ST8SIA2: variants seen among roughly 807,000 people sequenced by gnomAD.
The protein encoded by ST8SIA2 is alpha-2,8-sialyltransferase 8B.
ST8SIA2 carries 22 observed loss-of-function variants against 37.6 expected under a neutral mutation model. That is an observed-to-expected ratio of 0.58 (90% confidence interval 0.42 to 0.83). The LOEUF (loss-of-function observed/expected upper bound fraction) is 0.83. Ranked by LOEUF, ST8SIA2 falls within the 40% of genes least tolerant of loss-of-function variation. The pLI, the probability that ST8SIA2 is intolerant of heterozygous loss-of-function variation, is 0.00. For missense variants in ST8SIA2, 382 were observed against 484.7 expected, an observed-to-expected ratio of 0.79 and a Z score of 1.99; for synonymous variants, 205 against 201.2, an observed-to-expected ratio of 1.02 and a Z score of -0.16.
chr15:92,449,544 G>A (rs548517076), intron 5 of ST8SIA2, among the ~76,000 whole-genome samples: 1 of 152,146 alleles, frequency 6.6e-6, no homozygotes, highest in Non-Finnish European at 1.5e-5. Context: ...ATTGCTGGGT[G>A]GAATAGTAGT....
intron 1 of ST8SIA2, among the ~76,000 whole-genome samples, chr15:92,411,400 G>A (rs2049548588): frequency 6.6e-6 from 1 of 152,120 alleles, no homozygotes; most frequent in South Asian, 2.1e-4. Flanking sequence ...GAGTTAGGAA[G>A]CCATGGTTAT....
At chr15:92,440,114 C>T (rs1456727529) in intron 4 of ST8SIA2, among the ~76,000 whole-genome samples, 1 of 152,214 alleles carries the variant, frequency 6.6e-6, no homozygotes, top group Non-Finnish European at 1.5e-5. Context: ...GACCCTTTCA[C>T]ATAGTCAGCA....
intron 5 of ST8SIA2, among the ~76,000 whole-genome samples, chr15:92,459,755 C>G (rs145750182): frequency 6.6e-6 from 1 of 152,186 alleles, no homozygotes. Flanking sequence ...CATGCCTCCA[C>G]GCCCAACTAA....
intron 1 of ST8SIA2, among the ~76,000 whole-genome samples, chr15:92,404,287 A>G (rs1310592265): frequency 1.3e-5 from 2 of 152,196 alleles, no homozygotes; most frequent in Non-Finnish European, 2.9e-5. Flanking sequence ...TCAGTGGAAC[A>G]CTTATTACCT....
chr15:92,440,985 C>G (rs1244719899), intron 4 of ST8SIA2, among the ~76,000 whole-genome samples: 4 of 152,228 alleles, frequency 2.6e-5, no homozygotes, highest in African/African-American at 9.7e-5. Context: ...GTGGCTGTGT[C>G]CATCTCTGGG....
intron 1 of ST8SIA2, among the ~76,000 whole-genome samples, chr15:92,426,140 T>A (rs1021388536): frequency 6.6e-6 from 1 of 152,162 alleles, no homozygotes. Flanking sequence ...TCGAATTGTG[T>A]AAATGACAAG....
intron 1 of ST8SIA2, among the ~76,000 whole-genome samples, chr15:92,416,385 G>A (rs1178216797): frequency 2.0e-5 from 3 of 152,148 alleles, no homozygotes; most frequent in Non-Finnish European, 4.4e-5. Flanking sequence ...GCCAGGTTGT[G>A]CTGTGACTGG....
chr15:92,438,230 C>T (rs1000650697), intron 3 of ST8SIA2, 123 bp from the exon 4 acceptor site: 3 of 1,420,386 alleles, frequency 2.1e-6, no homozygotes, highest in Non-Finnish European at 3.0e-6. Flanking sequence ...GAACTCTCAT[C>T]ATACTCTGCG....
chr15:92,450,446 A>C (rs1483917728), intron 5 of ST8SIA2, among the ~76,000 whole-genome samples: 1 of 152,214 alleles, frequency 6.6e-6, no homozygotes. Context: ...GTAATTTATA[A>C]AGAAAAGAGG....
intron 1 of ST8SIA2, among the ~76,000 whole-genome samples, chr15:92,419,457 G>A (rs945827133): frequency 6.6e-6 from 1 of 152,180 alleles, no homozygotes; most frequent in Non-Finnish European, 1.5e-5. Context: ...CACTGGGTGT[G>A]CGGGAAATAC....
At chr15:92,440,781 A>C (rs1218913976) in intron 4 of ST8SIA2, among the ~76,000 whole-genome samples, 2 of 152,336 alleles carry the variant, frequency 1.3e-5, no homozygotes, top group South Asian at 2.1e-4. Flanking sequence ...TGCACTTGGT[A>C]ATATCCTACA....
chr15:92,403,389 A>G (rs2049485268), intron 1 of ST8SIA2, among the ~76,000 whole-genome samples: 1 of 152,094 alleles, frequency 6.6e-6, no homozygotes. Flanking sequence ...CCATGCAGAG[A>G]GTTTGCACAA....
At position 92,434,315 on chromosome 15, in the gene ST8SIA2, A is replaced by G. The variant is rs1362771215; in HGVS notation, c.230A>G (p.His77Arg). ...VVDRSNESIK[H>R]NIQPASSKWR... ...GACAGAAGTAATGAAAGCATCAAGC[A>G]CAACATCCAGCCAGCCTCGTCCAAA... The change falls in exon 3 of 6, where the codon CAC becomes CGC. Residue 77 changes from histidine to arginine, a missense_variant. His to Arg is a conservative substitution (Grantham distance 29). Transcript: ENST00000268164. 1.2e-6 allele frequency: 2 copies of G among 1,614,180 alleles called. No individual in the cohort carries two copies. The highest frequency in any genetic ancestry group is 2.2e-5 in the East Asian group (1 of 44,878).
intron 1 of ST8SIA2, among the ~76,000 whole-genome samples, chr15:92,418,428 C>G (rs2049604318): frequency 6.8e-6 from 1 of 146,708 alleles, no homozygotes; most frequent in Non-Finnish European, 1.5e-5. Flanking sequence ...CGCCACTGCA[C>G]TCTAGTCTGG....
At chr15:92,455,376 T>A (rs960077194) in intron 5 of ST8SIA2, among the ~76,000 whole-genome samples, 11 of 152,144 alleles carry the variant, frequency 7.2e-5, no homozygotes, top group African/African-American at 2.4e-4. Context: ...ATTTTTTTTT[T>A]AAATAGCAAT....
At chr15:92,440,898 C>T (rs1293974890) in intron 4 of ST8SIA2, among the ~76,000 whole-genome samples, 2 of 152,350 alleles carry the variant, frequency 1.3e-5, no homozygotes, top group East Asian at 3.9e-4. Context: ...AACAGGGACA[C>T]TAAGTGTTAA....
Position 92,464,480 on chromosome 15 carries a change from G to A in ST8SIA2, c.*95G>A. The A allele has an allele frequency of 7.1e-7, 1 of 1,403,272 alleles. No homozygotes were observed. The allele number at this position is 1,403,272 out of a possible 1,614,324, so 86.9% of individuals were successfully genotyped here. On this transcript the variant is annotated 3_prime_UTR_variant, in exon 6 of 6. Coordinates refer to ENST00000268164, the MANE Select transcript of ST8SIA2 (RefSeq NM_006011.4). ...GGTGGCACAAACAATAGAACAAGCA[G>A]GCTAGTGGTTTTCTTTGTTAAAGTG...
chr15:92,445,213 G>A (rs1304381012), intron 5 of ST8SIA2: 1 of 527,550 alleles, frequency 1.9e-6, no homozygotes, highest in Non-Finnish European at 3.4e-6. Flanking sequence ...GGCTCAATGG[G>A]AACAGACGCC....
chr15:92,461,769 G>A (rs1028049823), intron 5 of ST8SIA2, among the ~76,000 whole-genome samples: 4 of 152,342 alleles, frequency 2.6e-5, no homozygotes, highest in South Asian at 2.1e-4. Flanking sequence ...GAGAGATTTC[G>A]GAGAAATGCC....
Sources: allele counts gnomAD v4.1 joint callset (sites outside exome capture counted in the v4.1 genomes callset), GRCh38; gene constraint gnomAD v4.1.1; transcripts MANE v1.5; gene names NCBI Gene and HGNC (gene_info 2026-07-23, HGNC 2026-07-21).